The following MAST2 variants were observed in gnomAD, a reference collection of about 807,000 sequenced individuals.
MAST2 encodes the protein microtubule-associated serine/threonine-protein kinase 2.
In MAST2, 70 loss-of-function variants were observed where a neutral mutation model predicts 147.4. That is an observed-to-expected ratio of 0.47 (90% CI 0.39 to 0.58). The LOEUF (loss-of-function observed/expected upper bound fraction) is 0.58. Among genes scored for constraint, MAST2 ranks in the 20% least tolerant of loss-of-function variants. The probability of loss-of-function intolerance (pLI) is 0.00; values close to 1 mark genes in which losing one functional copy is unlikely to be tolerated. For missense variants in MAST2, 2,080 were observed against 2,302.3 expected (o/e 0.90, Z 1.98); for synonymous variants, 869 against 896.8 (o/e 0.97, Z 0.55).
At chr1:45,851,176 T>C (rs1436502887) in intron 3 of MAST2, among the ~76,000 whole-genome samples, 1 of 152,200 alleles carries the variant, frequency 6.6e-6, no homozygotes, top group Non-Finnish European at 1.5e-5. Flanking sequence ...TTGAGATCTT[T>C]TACCTCCTTG....
chr1:46,021,851 G>A, intron 11 of MAST2, 99 bp from the exon 12 acceptor site: 1 of 1,162,054 alleles, frequency 8.6e-7, no homozygotes, highest in Non-Finnish European at 1.2e-6. Flanking sequence ...CACAGAGAAA[G>A]TCTTGTTCAT....
Position 46,031,498 on chromosome 1 carries a change from G to C in MAST2, c.3100G>C (p.Asp1034His). The C allele has an allele frequency of 6.2e-7, 1 of 1,614,172 alleles. No homozygotes were observed. Among genetic ancestry groups the C allele is most frequent in the Non-Finnish European group, 8.5e-7 (1 of 1,180,038 alleles). Residue 1034 changes from aspartate to histidine, a missense_variant, in exon 24 of 29, where the codon GAC becomes CAC. This residue lies in a region of MAST2 where 1,278 missense variants were observed against 1,304.2 expected (regional missense o/e 0.98). Transcript: ENST00000361297. The surrounding 1 kb of genome is among the most constrained non-coding windows in gnomAD (Gnocchi z 4.1). The stretch of plus-strand genomic sequence containing the variant: ...GGCCCGCCACCGGCTGCTCTCTGGG[G>C]ACTCAACAGAGAAGCGCACTGCTCG... Reference protein sequence around the residue: ...RRARHRLLSGDSTEKRTARPV... With the variant: ...RRARHRLLSGHSTEKRTARPV...
At chr1:45,882,848 A>G (rs1223519298) in intron 4 of MAST2, among the ~76,000 whole-genome samples, 2 of 152,254 alleles carry the variant, frequency 1.3e-5, no homozygotes, top group Non-Finnish European at 2.9e-5. Flanking sequence ...TGAATGGAAT[A>G]GGTTCCCAAC....
chr1:45,936,498 C>T (rs1409019038), intron 4 of MAST2, among the ~76,000 whole-genome samples: 4 of 152,068 alleles, frequency 2.6e-5, no homozygotes, highest in Non-Finnish European at 4.4e-5. Flanking sequence ...GCAGGTTTGT[C>T]ATAGACGGCT....
At chr1:45,956,608 A>C (rs1400501816) in intron 4 of MAST2, among the ~76,000 whole-genome samples, 1 of 152,230 alleles carries the variant, frequency 6.6e-6, no homozygotes, top group African/African-American at 2.4e-5. Flanking sequence ...GTCACAAAGT[A>C]TGCAAGCATT....
chr1:45,850,312 T>C (rs143430099), intron 3 of MAST2, among the ~76,000 whole-genome samples: 8 of 152,324 alleles, frequency 5.3e-5, no homozygotes, highest in African/African-American at 1.9e-4. Context: ...GCTTGTTTAA[T>C]TGTTTAAGTT....
rs755624603 is a variant in MAST2, at chr1:46,035,891, T to C, written c.5222T>C (p.Leu1741Pro). 1.9e-6 allele frequency: 3 copies of C among 1,613,986 alleles called. No individual in the cohort carries two copies. The African/African-American group carries it at 4.0e-5, about 22-fold the overall frequency. ...CAQAVKEDPALSITQVPDASG... is the reference protein window; with the variant it reads ...CAQAVKEDPAPSITQVPDASG... ...CAAGCAGTGAAAGAGGATCCAGCCCTGAGCATCACCCAAGTGCCTGATGCC... is the reference window on the plus strand; with the variant it reads ...CAAGCAGTGAAAGAGGATCCAGCCCCGAGCATCACCCAAGTGCCTGATGCC... Residue 1741 changes from leucine to proline, a missense_variant, in exon 29 of 29, where the codon CTG becomes CCG. Transcript: ENST00000361297. This position sits in a 1 kb window ranked among gnomAD's most constrained non-coding sequence, Gnocchi z 5.5.
intron 4 of MAST2, among the ~76,000 whole-genome samples, chr1:45,942,723 T>C (rs1657482328): frequency 6.6e-6 from 1 of 152,230 alleles, no homozygotes; most frequent in Non-Finnish European, 1.5e-5. Flanking sequence ...ACACTTGTCA[T>C]GTAGATTCAA....
intron 10 of MAST2, among the ~76,000 whole-genome samples, chr1:46,011,279 G>A (rs1034830447): frequency 6.6e-6 from 1 of 152,164 alleles, no homozygotes; most frequent in African/African-American, 2.4e-5. Context: ...TGGCTGTGAC[G>A]GGCTTTCTTC....
rs529715702 is a variant in MAST2 at position 45,978,670 on chromosome 1, T to C, written c.593-19054T>C. Among the ~76,000 whole-genome samples, 4 of 152,288 alleles carry C rather than the reference T, an allele frequency of 2.6e-5. No homozygotes were observed. In the East Asian group the frequency reaches 7.7e-4, roughly 29 times the overall value. ...TGAGTGTATAAATTAATACAACTAT[T>C]TTGCAAAACAGCTTGGTGTTTTCTT... On this transcript the variant is annotated intron_variant, in intron 5 of 28. Coordinates refer to ENST00000361297, the MANE Select transcript of MAST2 (RefSeq NM_015112.3).
chr1:46,017,478 A>G (rs1049747044), intron 10 of MAST2, among the ~76,000 whole-genome samples: 5 of 152,242 alleles, frequency 3.3e-5, no homozygotes, highest in African/African-American at 1.2e-4. Context: ...TTTACAAGAA[A>G]AAAACAACCC....
chr1:45,960,255 T>C (rs111353813), intron 5 of MAST2, among the ~76,000 whole-genome samples: 1 of 152,128 alleles, frequency 6.6e-6, no homozygotes, highest in African/African-American at 2.4e-5. Context: ...CCGCCTGTAA[T>C]CCCAGCACTT....
At chr1:45,830,854 T>C (rs1442801922) in intron 3 of MAST2, among the ~76,000 whole-genome samples, 1 of 151,522 alleles carries the variant, frequency 6.6e-6, no homozygotes, top group Non-Finnish European at 1.5e-5. Flanking sequence ...TGAGACCTTG[T>C]CTATACAAAT....
At chr1:45,819,923 A>T (rs905968021) in intron 1 of MAST2, among the ~76,000 whole-genome samples, 6 of 152,196 alleles carry the variant, frequency 3.9e-5, no homozygotes, top group Admixed American at 2.6e-4. Context: ...TGGAGAAATG[A>T]CATTACCTGA....
chr1:45,907,712 A>G (rs963405054), intron 4 of MAST2, among the ~76,000 whole-genome samples: 1 of 152,194 alleles, frequency 6.6e-6, no homozygotes, highest in Non-Finnish European at 1.5e-5. Flanking sequence ...CCCATTAAGC[A>G]GTAACACCCT....
At chr1:45,873,189 A>ATTT (rs35141954) in intron 3 of MAST2, among the ~76,000 whole-genome samples, 8 of 143,246 alleles carry the variant, frequency 5.6e-5, no homozygotes, top group African/African-American at 1.3e-4. Flanking sequence ...TCTTCTTCCT[A>ATTT]TTTTTTTTTT....
At chr1:45,989,362 CAAGTT>C (rs1318878255) in intron 5 of MAST2, among the ~76,000 whole-genome samples, 1 of 152,158 alleles carries the variant, frequency 6.6e-6, no homozygotes, top group African/African-American at 2.4e-5. Flanking sequence ...ACAACTTTAT[CAAGTT>C]GAGTTCAGTA....
In MAST2 at chr1:45,959,441, C is replaced by T. The variant is rs761130833; in HGVS notation, c.556C>T (p.Leu186=). Reference sequence around the variant, plus strand: ...TGTGACCTCTAGCACATCACCTACACTACCACGGCCACACTCACCACTCCA... The same window carrying T: ...TGTGACCTCTAGCACATCACCTACATTACCACGGCCACACTCACCACTCCA... ...LIVTSSTSPT[L]PRPHSPLHGH... Residue 186 remains leucine (L), a synonymous_variant, in exon 5 of 29, where the codon CTA becomes TTA. Coordinates refer to ENST00000361297, the MANE Select transcript of MAST2 (RefSeq NM_015112.3). The T allele has an allele frequency of 1.2e-6, 2 of 1,613,828 alleles. No individual in the cohort carries two copies. Among genetic ancestry groups the T allele is most frequent in the Admixed American group, 1.7e-5 (1 of 59,976 alleles).
intron 4 of MAST2, among the ~76,000 whole-genome samples, chr1:45,952,845 A>G (rs1385186355): frequency 6.6e-6 from 1 of 152,232 alleles, no homozygotes; most frequent in Non-Finnish European, 1.5e-5. Context: ...CTCTGAAATA[A>G]TTACTACAGG....
Sources: gnomAD v4.1 joint callset for allele counts (sites outside exome capture counted in the v4.1 genomes callset) on GRCh38, gnomAD v4.1.1 for gene constraint, gnomAD v4.1.1 regional missense constraint, Gnocchi (gnomAD v3.1) non-coding constraint, MANE v1.5 for transcripts, NCBI Gene and HGNC (gene_info 2026-07-23, HGNC 2026-07-21) for gene names.